The following GPR39 variants were observed in gnomAD, a reference collection of about 807,000 sequenced individuals.
GPR39 encodes zinc sensing receptor.
In GPR39, 23 loss-of-function variants were observed where a neutral mutation model predicts 18.4. The observed-to-expected ratio is 1.25, with a 90% CI of 0.90 to 1.77. GPR39 has a LOEUF of 1.77. GPR39 is among the 40% of genes most tolerant of loss of function. The pLI is 0.00. For missense variants in GPR39, 647 were observed against 602.4 expected (o/e 1.07, Z -0.78); for synonymous variants, 280 against 257.9 (o/e 1.09, Z -0.82).
intron 1 of GPR39, among the ~76,000 whole-genome samples, chr2:132,490,667 A>G (rs1212976594): frequency 6.6e-6 from 1 of 151,874 alleles, no homozygotes; most frequent in Non-Finnish European, 1.5e-5. Flanking sequence ...TGGCTATTCT[A>G]AGAATGATCA....
chr2:132,512,686 A>T (rs1679262275), intron 1 of GPR39, among the ~76,000 whole-genome samples: 1 of 152,216 alleles, frequency 6.6e-6, no homozygotes. Flanking sequence ...ATTGAATAAG[A>T]ATAAAGTACA....
chr2:132,455,231 T>A (rs1680700201), intron 1 of GPR39, among the ~76,000 whole-genome samples: 1 of 152,198 alleles, frequency 6.6e-6, no homozygotes, highest in East Asian at 1.9e-4. Context: ...TGTCCAGGAA[T>A]TTATCCATTT....
At chr2:132,623,234 A>C (rs1421335950) in intron 1 of GPR39, among the ~76,000 whole-genome samples, 1 of 152,204 alleles carries the variant, frequency 6.6e-6, no homozygotes, top group Non-Finnish European at 1.5e-5. Flanking sequence ...CAAGCCCCAG[A>C]GAGGCAGTGG....
At chr2:132,533,379 A>G (rs1486460956) in intron 1 of GPR39, among the ~76,000 whole-genome samples, 2 of 149,258 alleles carry the variant, frequency 1.3e-5, no homozygotes, top group South Asian at 4.3e-4. Context: ...TTCCATGCTC[A>G]TGGGTAGGAA....
intron 1 of GPR39, among the ~76,000 whole-genome samples, chr2:132,541,749 C>T (rs1214664407): frequency 6.6e-6 from 1 of 152,122 alleles, no homozygotes; most frequent in Non-Finnish European, 1.5e-5. Flanking sequence ...CCTTATGCAT[C>T]CTGGGCTTTG....
chr2:132,624,490 A>C (rs932851087), intron 1 of GPR39, among the ~76,000 whole-genome samples: 23 of 152,250 alleles, frequency 1.5e-4, no homozygotes, highest in Non-Finnish European at 2.8e-4. Context: ...TACAACATAC[A>C]TACTGAAAAG....
At chr2:132,541,079 C>A (rs3109130) in intron 1 of GPR39, among the ~76,000 whole-genome samples, 36,169 of 151,298 alleles carry the variant, frequency 0.24, 4,870 homozygotes, top group African/African-American at 0.36. Context: ...GCTTTTTCTT[C>A]TTATTATTGT....
Position 132,417,500 on chromosome 2 carries a change from A to G in GPR39, c.458A>G (p.Lys153Arg). 6.2e-7 allele frequency: 1 copy of G among 1,614,148 alleles called. No individual in the cohort carries two copies. Among genetic ancestry groups the G allele is most frequent in the Non-Finnish European group, 8.5e-7 (1 of 1,180,026 alleles). Reference protein sequence around the residue: ...YKAVSGPCQVKLLIGFVWVTS... With the variant: ...YKAVSGPCQVRLLIGFVWVTS... ...GCTGTGTCGGGACCTTGCCAGGTGA[A>G]GCTGCTGATTGGCTTCGTCTGGGTC... The change falls in exon 1 of 2, where the codon AAG becomes AGG. Residue 153 changes from lysine to arginine, a missense_variant. By Grantham distance (26) the Lys-to-Arg change is conservative. Transcript: ENST00000329321.
At chr2:132,546,285 A>G (rs939295505) in intron 1 of GPR39, among the ~76,000 whole-genome samples, 1 of 152,204 alleles carries the variant, frequency 6.6e-6, no homozygotes, top group Non-Finnish European at 1.5e-5. Flanking sequence ...TGCATTTCTA[A>G]CAAGCCCCCA....
chr2:132,466,316 C>T (rs188068689), intron 1 of GPR39, among the ~76,000 whole-genome samples: 37 of 152,344 alleles, frequency 2.4e-4, no homozygotes, highest in Admixed American at 2.3e-3. Flanking sequence ...GCTATCACAA[C>T]ATTTAAAAAG....
intron 1 of GPR39, among the ~76,000 whole-genome samples, chr2:132,641,840 C>G (rs965431262): frequency 1.3e-5 from 2 of 152,230 alleles, no homozygotes; most frequent in Admixed American, 1.3e-4. Context: ...TGTTTACTTT[C>G]TTGCTTGTGT....
At chr2:132,619,424 G>A (rs1043785992) in intron 1 of GPR39, among the ~76,000 whole-genome samples, 4 of 152,140 alleles carry the variant, frequency 2.6e-5, no homozygotes, top group African/African-American at 9.7e-5. Context: ...TCCACCCCTT[G>A]AGCCTTCAGG....
intron 1 of GPR39, among the ~76,000 whole-genome samples, chr2:132,504,483 T>C (rs1213092342): frequency 6.6e-6 from 1 of 152,132 alleles, no homozygotes; most frequent in Non-Finnish European, 1.5e-5. Context: ...AAAATCTCTT[T>C]GTGCTTGAAG....
intron 1 of GPR39, among the ~76,000 whole-genome samples, chr2:132,470,489 G>A (rs1054904711): frequency 3.3e-5 from 5 of 152,062 alleles, no homozygotes; most frequent in East Asian, 1.9e-4. Context: ...CAAAATGAAC[G>A]GGGCAAGTAG....
At chr2:132,459,824 A>G (rs1558804796) in intron 1 of GPR39, among the ~76,000 whole-genome samples, 2 of 152,216 alleles carry the variant, frequency 1.3e-5, no homozygotes, top group South Asian at 4.1e-4. Context: ...GACACTGAGC[A>G]ATGTCATTAG....
At chr2:132,538,815 G>A (rs900389098) in intron 1 of GPR39, among the ~76,000 whole-genome samples, 1 of 152,188 alleles carries the variant, frequency 6.6e-6, no homozygotes, top group Non-Finnish European at 1.5e-5. Flanking sequence ...TCGCTGTGCT[G>A]TGGTGAATTC....
At chr2:132,492,781 CCATATATAT>C (rs1558814639) in intron 1 of GPR39, among the ~76,000 whole-genome samples, 2 of 17,342 alleles carry the variant, frequency 1.2e-4, no homozygotes, top group Non-Finnish European at 5.8e-4. Context: ...CATATATATA[CCATATATAT>C]ACCATATATA....
In GPR39 at chr2:132,645,381, C is replaced by A. The variant is rs998664989; in HGVS notation, c.1137C>A (p.His379Gln). Residue 379 changes from histidine (H) to glutamine (Q), a missense_variant, in exon 2 of 2, where the codon CAC becomes CAA. Coordinates refer to ENST00000329321, the MANE Select transcript of GPR39 (RefSeq NM_001508.3). ...AGAAGCGCCTGCGCGTACATGCGCA[C>A]TCCACCACCGACAGCGCCCGCTTTG... is the stretch of plus-strand genomic sequence containing the variant. ...NHEKRLRVHA[H>Q]STTDSARFVQ... 1.2e-6 allele frequency: 2 copies of A among 1,613,770 alleles called. No individual in the cohort carries two copies. The highest frequency in any genetic ancestry group is 3.3e-5 in the Admixed American group (2 of 60,014).
chr2:132,486,900 T>A (rs1681351459), intron 1 of GPR39, among the ~76,000 whole-genome samples: 1 of 152,252 alleles, frequency 6.6e-6, no homozygotes, highest in Non-Finnish European at 1.5e-5. Flanking sequence ...TGCAAAGGCC[T>A]AACTTTCAGC....
Sources: gnomAD v4.1 joint callset for allele counts (sites outside exome capture counted in the v4.1 genomes callset) on GRCh38, gnomAD v4.1.1 for gene constraint, MANE v1.5 for transcripts, NCBI Gene and HGNC (gene_info 2026-07-23, HGNC 2026-07-21) for gene names.